CHCHD6: variants seen among roughly 807,000 people sequenced by gnomAD.
CHCHD6 encodes the protein MICOS complex subunit MIC25.
Under a neutral mutation model 32.3 loss-of-function variants are expected in CHCHD6, and 28 were observed. The observed-to-expected ratio is 0.87, with a 90% CI of 0.64 to 1.19. CHCHD6 has a LOEUF of 1.19. Ranked by LOEUF, CHCHD6 falls within the 50% of genes most tolerant of loss-of-function variation. CHCHD6 has a pLI of 0.00. For synonymous variants in CHCHD6, 122 were observed against 117.5 expected (o/e 1.04, Z -0.25); for missense variants, 333 against 307.0 (o/e 1.08, Z -0.63).
At chr3:126,784,464 C>A (rs1197768614) in intron 4 of CHCHD6, among the ~76,000 whole-genome samples, 2 of 152,114 alleles carry the variant, frequency 1.3e-5, no homozygotes, top group Admixed American at 6.5e-5. Flanking sequence ...AATACCTGCC[C>A]CCACTGCCTT....
At chr3:126,755,313 A>G (rs576497089) in intron 4 of CHCHD6, among the ~76,000 whole-genome samples, 5 of 152,298 alleles carry the variant, frequency 3.3e-5, no homozygotes, top group African/African-American at 1.2e-4. Context: ...CTGTCACTGT[A>G]TAGGGCAGCC....
chr3:126,849,235 T>C (rs918533896), intron 4 of CHCHD6, among the ~76,000 whole-genome samples: 19 of 152,390 alleles, frequency 1.2e-4, no homozygotes, highest in African/African-American at 4.1e-4. Flanking sequence ...TTGTGCGGAA[T>C]GTGGTTTATT....
At chr3:126,862,288 ACCTCCT>A (rs1168633212) in intron 5 of CHCHD6, among the ~76,000 whole-genome samples, 1 of 111,784 alleles carries the variant, frequency 8.9e-6, no homozygotes, top group Non-Finnish European at 1.9e-5. Context: ...TACCATCACC[ACCTCCT>A]CCTCCTCCTC....
At chr3:126,879,363 C>T (rs1485343317) in intron 5 of CHCHD6, among the ~76,000 whole-genome samples, 1 of 152,188 alleles carries the variant, frequency 6.6e-6, no homozygotes, top group Non-Finnish European at 1.5e-5. Context: ...TATAATGGAG[C>T]AGTCTAGTGG....
intron 6 of CHCHD6, among the ~76,000 whole-genome samples, chr3:126,926,203 G>T (rs940178218): frequency 6.6e-6 from 1 of 152,248 alleles, no homozygotes; most frequent in Non-Finnish European, 1.5e-5. Flanking sequence ...GAACCTGGGA[G>T]GCCCAGGGAC....
chr3:126,770,985 A>G (rs1260256689), intron 4 of CHCHD6, among the ~76,000 whole-genome samples: 1 of 151,972 alleles, frequency 6.6e-6, no homozygotes, highest in Non-Finnish European at 1.5e-5. Flanking sequence ...TAGGGTTTTT[A>G]TTGCTAATTC....
intron 2 of CHCHD6, among the ~76,000 whole-genome samples, chr3:126,727,519 A>T (rs944086638): frequency 6.6e-6 from 1 of 152,146 alleles, no homozygotes; most frequent in Non-Finnish European, 1.5e-5. Flanking sequence ...AGCTTCAGCC[A>T]CTCTAGCCTA....
chr3:126,933,273 T>C (rs2078432122), intron 6 of CHCHD6, among the ~76,000 whole-genome samples: 1 of 152,178 alleles, frequency 6.6e-6, no homozygotes, highest in South Asian at 2.1e-4. Flanking sequence ...AAGGCTTCTC[T>C]GGTAGGCTGG....
Position 126,856,474 on chromosome 3 carries a change from T to G in CHCHD6, c.495+3744T>G, listed in dbSNP as rs141832179. ...GGAAGGTGAGACCCTCGACTGCTTG[T>G]GCTGGCTTGAGTCATGGCCGCTGAA... On this transcript the variant is annotated intron_variant, in intron 5 of 7. Transcript: ENST00000290913. Among the ~76,000 whole-genome samples, 931 of 152,328 alleles carry G rather than the reference T, an allele frequency of 6.1e-3. 9 individuals are homozygous for G. Among genetic ancestry groups the G allele is most frequent in the African/African-American group, 0.021 (890 of 41,586 alleles).
At chr3:126,779,721 A>G (rs1322018992) in intron 4 of CHCHD6, among the ~76,000 whole-genome samples, 1 of 152,060 alleles carries the variant, frequency 6.6e-6, no homozygotes, top group African/African-American at 2.4e-5. Flanking sequence ...TTCCCCATTG[A>G]GTTGTCCTGG....
At chr3:126,749,972 A>G (rs1194994879) in intron 4 of CHCHD6, among the ~76,000 whole-genome samples, 6 of 152,106 alleles carry the variant, frequency 3.9e-5, no homozygotes, top group Non-Finnish European at 7.4e-5. Context: ...AAACACCCAC[A>G]TCCACCTTGG....
intron 4 of CHCHD6, among the ~76,000 whole-genome samples, chr3:126,805,273 A>T (rs1204835653): frequency 3.3e-5 from 5 of 152,240 alleles, no homozygotes; most frequent in Non-Finnish European, 2.9e-5. Flanking sequence ...CCCTGTTTGC[A>T]GACGACATGA....
chr3:126,749,357 G>T (rs1936634484), intron 4 of CHCHD6, among the ~76,000 whole-genome samples: 1 of 152,188 alleles, frequency 6.6e-6, no homozygotes, highest in Non-Finnish European at 1.5e-5. Context: ...GAAGAATTAT[G>T]TGGAGAAAGA....
At chr3:126,823,304 T>C (rs1940232263) in intron 4 of CHCHD6, among the ~76,000 whole-genome samples, 1 of 152,228 alleles carries the variant, frequency 6.6e-6, no homozygotes, top group Admixed American at 6.5e-5. Context: ...CTTGTCAGAT[T>C]AACATCTATA....
intron 5 of CHCHD6, among the ~76,000 whole-genome samples, chr3:126,890,895 G>C (rs1018866348): frequency 1.3e-5 from 2 of 152,176 alleles, no homozygotes; most frequent in Non-Finnish European, 2.9e-5. Context: ...AGTGGGGAGG[G>C]AATGTTGGAG....
intron 1 of CHCHD6, among the ~76,000 whole-genome samples, chr3:126,714,509 C>A (rs769181720): frequency 2.6e-5 from 4 of 152,158 alleles, no homozygotes; most frequent in Non-Finnish European, 5.9e-5. Flanking sequence ...AGGGGGTGAT[C>A]TTCTTCGGAT....
chr3:126,902,092 C>T (rs1361100050), intron 5 of CHCHD6, among the ~76,000 whole-genome samples: 1 of 152,228 alleles, frequency 6.6e-6, no homozygotes, highest in Non-Finnish European at 1.5e-5. Context: ...GGTTCCCTGA[C>T]CTTACAACAA....
chr3:126,885,244 A>C (rs1318214709), intron 5 of CHCHD6, among the ~76,000 whole-genome samples: 1 of 152,184 alleles, frequency 6.6e-6, no homozygotes, highest in Non-Finnish European at 1.5e-5. Flanking sequence ...TAAGTTTTGA[A>C]TACTTGGTGT....
chr3:126,862,140 C>T (rs1334893870), intron 5 of CHCHD6, among the ~76,000 whole-genome samples: 1 of 79,460 alleles, frequency 1.3e-5, no homozygotes. Flanking sequence ...CCCCCTCCTC[C>T]ACCATCACCA....
Sources: gnomAD v4.1 joint callset for allele counts (sites outside exome capture counted in the v4.1 genomes callset) on GRCh38, gnomAD v4.1.1 for gene constraint, MANE v1.5 for transcripts, NCBI Gene and HGNC (gene_info 2026-07-23, HGNC 2026-07-21) for gene names.